TSNARE1: variants seen among roughly 807,000 people sequenced by gnomAD.
TSNARE1 encodes the protein t-SNARE domain containing 1.
A neutral mutation model predicts 62.0 loss-of-function variants in TSNARE1; 49 were observed. The observed-to-expected ratio is 0.79, with a 90% CI of 0.63 to 1.00. The LOEUF is 1.00. TSNARE1 is among the 50% of genes least tolerant of loss of function. The pLI is 0.00. For missense variants in TSNARE1, 755 were observed against 700.1 expected, an observed-to-expected ratio of 1.08 and a Z score of -0.88; for synonymous variants, 328 against 294.4, an observed-to-expected ratio of 1.11 and a Z score of -1.17.
At chr8:142,268,927 C>G (rs893829641) in intron 12 of TSNARE1, among the ~76,000 whole-genome samples, 1 of 152,258 alleles carries the variant, frequency 6.6e-6, no homozygotes, top group African/African-American at 2.4e-5. Context: ...CCTATCTACT[C>G]TAAGACACCC....
At chr8:142,254,677 G>C (rs1818337048) in intron 12 of TSNARE1, among the ~76,000 whole-genome samples, 1 of 152,204 alleles carries the variant, frequency 6.6e-6, no homozygotes, top group African/African-American at 2.4e-5. Context: ...CGGGGCATCA[G>C]AGAGGCCTGG....
At chr8:142,217,331 GAAA>G (rs1815908959) in intron 13 of TSNARE1, among the ~76,000 whole-genome samples, 3 of 59,426 alleles carry the variant, frequency 5.0e-5, no homozygotes, top group Non-Finnish European at 1.1e-4. Context: ...AAGAAAGAAA[GAAA>G]GAAAGAAAGA....
chr8:142,396,661 G>C (rs958042958), intron 1 of TSNARE1, among the ~76,000 whole-genome samples: 1 of 152,244 alleles, frequency 6.6e-6, no homozygotes, highest in Non-Finnish European at 1.5e-5. Context: ...AGAACGGTGA[G>C]CAATGCCTCT....
intron 2 of TSNARE1, among the ~76,000 whole-genome samples, chr8:142,350,516 C>G (rs943661839): frequency 3.9e-5 from 6 of 152,110 alleles, no homozygotes; most frequent in Admixed American, 3.9e-4. Context: ...AGCAAAAACC[C>G]AGAAACATTC....
intron 6 of TSNARE1, among the ~76,000 whole-genome samples, chr8:142,324,085 A>G (rs1477051425): frequency 6.6e-6 from 1 of 152,196 alleles, no homozygotes; most frequent in Non-Finnish European, 1.5e-5. Flanking sequence ...TCCACATTCA[A>G]TGTGGGATAC....
At chr8:142,305,876 A>G (rs904330027) in intron 9 of TSNARE1, among the ~76,000 whole-genome samples, 3 of 152,192 alleles carry the variant, frequency 2.0e-5, no homozygotes, top group Non-Finnish European at 4.4e-5. Context: ...GACATGCTCT[A>G]ACGTGAGTGC....
chr8:142,259,262 C>T lies in TSNARE1; in HGVS notation c.1446+15519G>A, dbSNP rs189347707. On this transcript the variant is annotated intron_variant, in intron 12 of 13. Transcript: ENST00000524325. ...AGCTGTGAGCCTGGTATTTATTAGA[C>T]GCAGCAGATTGATTTAAATCTTTGC... Among the ~76,000 whole-genome samples the T allele has an allele frequency of 5.9e-5, 9 of 152,356 alleles. No homozygotes were observed. The East Asian group carries it at 1.4e-3, about 23-fold the overall frequency.
chr8:142,264,099 G>A (rs1376381579), intron 12 of TSNARE1, among the ~76,000 whole-genome samples: 1 of 152,104 alleles, frequency 6.6e-6, no homozygotes, highest in Non-Finnish European at 1.5e-5. Flanking sequence ...CACAAATTTT[G>A]ATATGCAGTA....
At chr8:142,277,031 G>A in intron 11 of TSNARE1, 2 of 985,446 alleles carry the variant, frequency 2.0e-6, no homozygotes, top group Non-Finnish European at 2.4e-6. Flanking sequence ...GTGGGGTGAG[G>A]ACAGGTTTGG....
chr8:142,354,508 T>G, intron 2 of TSNARE1, 129 bp downstream of exon 2: 1 of 659,464 alleles, frequency 1.5e-6, no homozygotes, highest in Non-Finnish European at 2.6e-6. Context: ...ACACCCCATC[T>G]CAGGACACAG....
At chr8:142,283,990 G>A (rs948342403) in intron 11 of TSNARE1, among the ~76,000 whole-genome samples, 4 of 139,472 alleles carry the variant, frequency 2.9e-5, no homozygotes, top group African/African-American at 1.0e-4. Flanking sequence ...AGAGTATGGA[G>A]CCAGTGTCTG....
intron 10 of TSNARE1, among the ~76,000 whole-genome samples, chr8:142,287,065 T>G (rs1822881466): frequency 6.6e-6 from 1 of 152,174 alleles, no homozygotes. Flanking sequence ...TTAGACAGAC[T>G]CCAACCCAGG....
Position 142,259,906 on chromosome 8 carries a change from G to A in TSNARE1, c.1446+14875C>T, listed in dbSNP as rs73366604. ...AGCAAACCCTGAAGGCTGTTGTGGC[G>A]AGGAAATTTGGCCCTCAGGAACAGG... On this transcript the variant is annotated intron_variant, in intron 12 of 13. Transcript: ENST00000524325. Among the ~76,000 whole-genome samples, 1,196 of 152,278 alleles carry A rather than the reference G, an allele frequency of 7.9e-3. 18 individuals are homozygous for A. The highest frequency in any genetic ancestry group is 0.028 in the African/African-American group (1,147 of 41,552).
intron 4 of TSNARE1, 27 bp from the exon 5 acceptor site, chr8:142,331,858 A>G (rs1178298457): frequency 6.3e-7 from 1 of 1,590,222 alleles, no homozygotes; most frequent in South Asian, 1.1e-5. Flanking sequence ...AGGAGGAAAG[A>G]ACACAGGCTA....
At chr8:142,326,937 G>A (rs967453666) in intron 6 of TSNARE1, among the ~76,000 whole-genome samples, 1 of 152,198 alleles carries the variant, frequency 6.6e-6, no homozygotes, top group Admixed American at 6.5e-5. Context: ...GCACCCACTA[G>A]GATAGCCACA....
chr8:142,314,808 T>C (rs890154032), intron 8 of TSNARE1, among the ~76,000 whole-genome samples, 195 bp downstream of exon 8: 1 of 152,232 alleles, frequency 6.6e-6, no homozygotes, highest in Non-Finnish European at 1.5e-5. Flanking sequence ...GTAAATGTCC[T>C]CTAGGACACA....
chr8:142,377,694 C>T (rs1483428677), intron 1 of TSNARE1, among the ~76,000 whole-genome samples: 6 of 152,248 alleles, frequency 3.9e-5, no homozygotes, highest in Admixed American at 6.5e-5. Context: ...TGTGGGGGTG[C>T]GAAGCAGCAC....
chr8:142,249,464 G>A (rs1437949222), intron 12 of TSNARE1, among the ~76,000 whole-genome samples: 2 of 152,222 alleles, frequency 1.3e-5, no homozygotes, highest in Non-Finnish European at 2.9e-5. Flanking sequence ...GGTTTGGGTG[G>A]CAATTCCCAA....
intron 5 of TSNARE1, among the ~76,000 whole-genome samples, 164 bp downstream of exon 5, chr8:142,331,590 A>G (rs151263313): frequency 6.6e-6 from 1 of 152,240 alleles, no homozygotes; most frequent in Non-Finnish European, 1.5e-5. Flanking sequence ...GAAGCCATCC[A>G]GCACCCTCGC....
Sources: allele counts gnomAD v4.1 joint callset (sites outside exome capture counted in the v4.1 genomes callset), GRCh38; gene constraint gnomAD v4.1.1; transcripts MANE v1.5; gene names NCBI Gene and HGNC (gene_info 2026-07-23, HGNC 2026-07-21).